Variants in FAM81B observed in about 807,000 individuals in gnomAD.
FAM81B encodes family with sequence similarity 81 member B.
FAM81B carries 60 observed loss-of-function variants against 58.7 expected under a neutral mutation model. That is an observed-to-expected ratio of 1.02 (90% confidence interval 0.83 to 1.27). FAM81B has a LOEUF of 1.27. FAM81B is among the 50% of genes most tolerant of loss of function. The probability of loss-of-function intolerance (pLI) is 0.00; values close to 1 mark genes in which losing one functional copy is unlikely to be tolerated. For synonymous variants in FAM81B, 189 were observed against 179.6 expected, an observed-to-expected ratio of 1.05 and a Z score of -0.42; for missense variants, 491 against 522.0, an observed-to-expected ratio of 0.94 and a Z score of 0.58.
At chr5:95,398,986 C>T (rs1762037050) in intron 3 of FAM81B, among the ~76,000 whole-genome samples, 1 of 152,174 alleles carries the variant, frequency 6.6e-6, no homozygotes, top group Non-Finnish European at 1.5e-5. Flanking sequence ...GTTTCTGCTG[C>T]CCATGAGGCA....
intron 7 of FAM81B, among the ~76,000 whole-genome samples, chr5:95,443,643 A>G (rs1252922591): frequency 1.3e-5 from 2 of 151,616 alleles, no homozygotes; most frequent in Non-Finnish European, 2.9e-5. Context: ...GCAAAGAAAA[A>G]GAGTTATACA....
At chr5:95,402,310 G>A (rs1446917352) in intron 3 of FAM81B, among the ~76,000 whole-genome samples, 1 of 151,990 alleles carries the variant, frequency 6.6e-6, no homozygotes, top group Admixed American at 6.6e-5. Flanking sequence ...ATGCAAATAG[G>A]GAAAAAATAT....
At chr5:95,424,787 C>CTTATTAGTTA (rs11281250) in intron 5 of FAM81B, among the ~76,000 whole-genome samples, 31,574 of 151,940 alleles carry the variant, frequency 0.21, 3,408 homozygotes, top group African/African-American at 0.26. Context: ...TTATTATTAG[C>CTTATTAGTTA]TTATTAACTT....
intron 7 of FAM81B, among the ~76,000 whole-genome samples, chr5:95,443,054 T>C (rs1386681449): frequency 1.3e-5 from 2 of 152,212 alleles, no homozygotes; most frequent in Non-Finnish European, 2.9e-5. Context: ...TTCAAAATCT[T>C]GGAAAAGTTC....
chr5:95,394,756 T>G (rs1404347661), intron 2 of FAM81B, among the ~76,000 whole-genome samples: 3 of 152,168 alleles, frequency 2.0e-5, no homozygotes, highest in African/African-American at 7.2e-5. Flanking sequence ...TCGAGCCTTT[T>G]CTGCCTGCCC....
At chr5:95,429,069 G>A (rs1362562545) in intron 6 of FAM81B, among the ~76,000 whole-genome samples, 1 of 152,048 alleles carries the variant, frequency 6.6e-6, no homozygotes. Context: ...AACTTCCCAT[G>A]GAAGCTATTA....
At chr5:95,411,283 A>G (rs6892993) in intron 3 of FAM81B, among the ~76,000 whole-genome samples, 41,740 of 152,106 alleles carry the variant, frequency 0.27, 5,956 homozygotes, top group Non-Finnish European at 0.3. Flanking sequence ...ATAATACCAA[A>G]TGTGGAAATC....
intron 7 of FAM81B, among the ~76,000 whole-genome samples, chr5:95,438,976 C>T (rs1253971161): frequency 1.3e-5 from 2 of 150,740 alleles, no homozygotes; most frequent in South Asian, 2.1e-4. Context: ...AATTTCTATA[C>T]CTATTACTCA....
At chr5:95,395,442 CAA>C (rs70978184) in intron 2 of FAM81B, among the ~76,000 whole-genome samples, 13 of 103,112 alleles carry the variant, frequency 1.3e-4, no homozygotes, top group Non-Finnish European at 7.4e-5. Context: ...GACCCCGTCT[CAA>C]AAAAAAAAAA....
At chr5:95,437,045 A>G in intron 7 of FAM81B, 139 bp downstream of exon 7, 1 of 576,670 alleles carries the variant, frequency 1.7e-6, no homozygotes, top group East Asian at 2.9e-5. Context: ...AACACAGAGA[A>G]TATTTTACAC....
chr5:95,424,472 C>G (rs181575666), intron 5 of FAM81B, among the ~76,000 whole-genome samples: 66 of 149,206 alleles, frequency 4.4e-4, no homozygotes, highest in Middle Eastern at 6.9e-3. Flanking sequence ...AAAAGGATTA[C>G]TTGTGAACAG....
intron 3 of FAM81B, among the ~76,000 whole-genome samples, chr5:95,409,285 A>G (rs1198556621): frequency 1.3e-5 from 2 of 151,838 alleles, no homozygotes; most frequent in East Asian, 3.9e-4. Context: ...CTGCCTCCCG[A>G]GCGTCTGGGA....
intron 5 of FAM81B, among the ~76,000 whole-genome samples, chr5:95,428,164 A>G (rs1443615737): frequency 6.6e-6 from 1 of 152,208 alleles, no homozygotes; most frequent in African/African-American, 2.4e-5. Flanking sequence ...GAGAATTGAT[A>G]GTCTGGGGGC....
chr5:95,428,517 C>A, intron 5 of FAM81B, 86 bp from the exon 6 acceptor site: 1 of 1,496,394 alleles, frequency 6.7e-7, no homozygotes, highest in Non-Finnish European at 9.1e-7. Flanking sequence ...AGAACTTTGG[C>A]CATCAAATGA....
intron 3 of FAM81B, chr5:95,396,620 C>G (rs1010383710): frequency 6.5e-6 from 1 of 153,504 alleles, no homozygotes; most frequent in African/African-American, 2.4e-5. Context: ...ACCTGGAGCT[C>G]CCCCAGGAAA....
chr5:95,434,211 T>C (rs1292105207), intron 6 of FAM81B, among the ~76,000 whole-genome samples: 1 of 152,152 alleles, frequency 6.6e-6, no homozygotes, highest in Admixed American at 6.5e-5. Flanking sequence ...TGCAGAGTTG[T>C]GTTTCTTTAT....
intron 7 of FAM81B, among the ~76,000 whole-genome samples, chr5:95,442,084 T>C (rs1179015643): frequency 6.6e-6 from 1 of 152,228 alleles, no homozygotes; most frequent in Non-Finnish European, 1.5e-5. Flanking sequence ...AGAAAGTTAA[T>C]AATTACCCAG....
chr5:95,441,984 T>G (rs1745376008), intron 7 of FAM81B, among the ~76,000 whole-genome samples: 2 of 152,182 alleles, frequency 1.3e-5, no homozygotes, highest in South Asian at 4.1e-4. Context: ...TAGTAGACAG[T>G]GATTTATAAG....
At chr5:95,446,801 T>G in intron 8 of FAM81B, 104 bp downstream of exon 8, 2 of 1,457,070 alleles carry the variant, frequency 1.4e-6, no homozygotes, top group Non-Finnish European at 1.9e-6. Flanking sequence ...TAATCTTCAC[T>G]GCTTCAGTAA....
Sources: allele counts gnomAD v4.1 joint callset (sites outside exome capture counted in the v4.1 genomes callset), GRCh38; gene constraint gnomAD v4.1.1; transcripts MANE v1.5; gene names NCBI Gene and HGNC (gene_info 2026-07-23, HGNC 2026-07-21).